GPHN: variants seen among roughly 807,000 people sequenced by gnomAD.
GPHN encodes the protein gephyrin.
Under a neutral mutation model 95.5 loss-of-function variants are expected in GPHN, and 17 were observed. The ratio of observed to expected loss-of-function variants is 0.18; its 90% confidence interval spans 0.12 to 0.27. The LOEUF is 0.27. Ranked by LOEUF, GPHN falls within the 10% of genes least tolerant of loss-of-function variation. The pLI, the probability that GPHN is intolerant of heterozygous loss-of-function variation, is 1.00. For synonymous variants in GPHN, 320 were observed against 322.5 expected, an observed-to-expected ratio of 0.99 and a Z score of 0.08; for missense variants, 660 against 978.1, an observed-to-expected ratio of 0.67 and a Z score of 4.34.
At chr14:67,336,637 CA>C in the GPHN span, 1 of 438,266 alleles carries the variant, frequency 2.3e-6, no homozygotes, top group Non-Finnish European at 4.6e-6. Context: ...CAAATTAAAT[CA>C]AATCATACTT....
chr14:67,646,688 T>C, the GPHN span: 1 of 1,613,880 alleles, frequency 6.2e-7, no homozygotes, highest in Non-Finnish European at 8.5e-7. Flanking sequence ...CTTGTATCTC[T>C]TCTGCAAGTA....
chr14:67,691,513 A>G, the GPHN span: 4 of 327,070 alleles, frequency 1.2e-5, no homozygotes, highest in Non-Finnish European at 2.2e-5. Flanking sequence ...TGCTTTTGGG[A>G]ATTGTTGCAT....
intron 8 of GPHN, among the ~76,000 whole-genome samples, chr14:66,951,448 G>T (rs947830403): frequency 6.6e-6 from 1 of 151,026 alleles, no homozygotes; most frequent in Non-Finnish European, 1.5e-5. Context: ...CCTGGAAGGC[G>T]GAAGTTGCAG....
intron 5 of GPHN, among the ~76,000 whole-genome samples, chr14:66,914,340 T>C (rs745897013): frequency 8.5e-5 from 13 of 152,064 alleles, no homozygotes; most frequent in Non-Finnish European, 5.9e-5. Flanking sequence ...TCTTGGAAAA[T>C]AAAATCCAAC....
intron 4 of GPHN, among the ~76,000 whole-genome samples, chr14:66,851,056 G>C (rs186402028): frequency 6.6e-6 from 1 of 151,938 alleles, no homozygotes; most frequent in Admixed American, 6.6e-5. Context: ...TTCTGCCTGA[G>C]GGACTTACTT....
chr14:67,424,808 G>A, the GPHN span, among the ~76,000 whole-genome samples: 3 of 152,230 alleles, frequency 2.0e-5, no homozygotes, highest in African/African-American at 7.2e-5. Flanking sequence ...GATCAGCACA[G>A]ACATGCCCAC....
At chr14:67,690,260 T>G in the GPHN span, 2 of 1,614,050 alleles carry the variant, frequency 1.2e-6, no homozygotes, top group East Asian at 2.2e-5. Flanking sequence ...TTGGCTAGCT[T>G]GCTGTGACAG....
intron 2 of GPHN, among the ~76,000 whole-genome samples, chr14:66,700,952 T>C (rs896210720): frequency 3.9e-5 from 6 of 152,208 alleles, no homozygotes; most frequent in African/African-American, 1.4e-4. Flanking sequence ...CTCAATTATT[T>C]TTATTTCAGT....
chr14:67,130,167 G>C lies in GPHN; in HGVS notation c.1748+7790G>C, dbSNP rs577874869. Among the ~76,000 whole-genome samples, 77 of 152,104 alleles carry C rather than the reference G, an allele frequency of 5.1e-4. 1 individual carries two copies. Among genetic ancestry groups the C allele is most frequent in the Non-Finnish European group, 7.4e-5 (5 of 67,982 alleles). On this transcript the variant is annotated intron_variant, in intron 17 of 22. Transcript: ENST00000478722. The stretch of plus-strand genomic sequence containing the variant: ...GGCTAATGTGCAGGTTTGTTACATG[G>C]GTATTTTGGGTGATGCTGAGGTTTT...
chr14:67,659,814 C>A, the GPHN span: 1 of 1,614,132 alleles, frequency 6.2e-7, no homozygotes, highest in Non-Finnish European at 8.5e-7. Flanking sequence ...GTGCTTCTCA[C>A]CTCCCGATGG....
chr14:66,612,754 C>T (rs1334376309), intron 1 of GPHN, among the ~76,000 whole-genome samples: 4 of 152,076 alleles, frequency 2.6e-5, no homozygotes, highest in Non-Finnish European at 5.9e-5. Context: ...ACGGCTTTAA[C>T]TTTTCTTCAC....
At chr14:66,670,018 C>T (rs1399898461) in intron 1 of GPHN, among the ~76,000 whole-genome samples, 1 of 152,234 alleles carries the variant, frequency 6.6e-6, no homozygotes, top group South Asian at 2.1e-4. Flanking sequence ...TTTAATAAAA[C>T]CTGAACATTT....
the GPHN span, among the ~76,000 whole-genome samples, chr14:67,629,145 G>A: frequency 2.0e-4 from 31 of 152,174 alleles, no homozygotes; most frequent in Non-Finnish European, 3.2e-4. Flanking sequence ...ACCAGCCTGG[G>A]CAACTTAGCG....
chr14:67,065,769 T>TA (rs1320492853), intron 11 of GPHN, among the ~76,000 whole-genome samples: 80 of 151,712 alleles, frequency 5.3e-4, no homozygotes, highest in African/African-American at 1.9e-3. Flanking sequence ...TTTTTTTTTT[T>TA]TTTTGCTTTC....
chr14:66,525,947 T>C (rs1043098446), intron 1 of GPHN, among the ~76,000 whole-genome samples: 1 of 152,164 alleles, frequency 6.6e-6, no homozygotes. Flanking sequence ...TCTTTTTGCT[T>C]AGGATTGTCT....
intron 10 of GPHN, among the ~76,000 whole-genome samples, chr14:67,049,599 G>A (rs2075208782): frequency 6.6e-6 from 1 of 150,798 alleles, no homozygotes. Context: ...TGCAACCTCC[G>A]CCTCCTGGGT....
At chr14:67,390,773 C>G in the GPHN span, 1 of 1,472,188 alleles carries the variant, frequency 6.8e-7, no homozygotes, top group Non-Finnish European at 9.5e-7. Flanking sequence ...GTTCAAAGCT[C>G]ATTGGTGACA....
At chr14:67,727,382 G>T in the GPHN span, 13 of 591,234 alleles carry the variant, frequency 2.2e-5, no homozygotes, top group Non-Finnish European at 3.3e-5. Context: ...TAGGGGTTAA[G>T]AACCTCAAAA....
the GPHN span, among the ~76,000 whole-genome samples, chr14:67,259,515 G>A: frequency 6.6e-6 from 1 of 152,222 alleles, no homozygotes; most frequent in East Asian, 1.9e-4. Flanking sequence ...AGGAGGCTGA[G>A]GCAGGAGAAT....
Sources: gnomAD v4.1 joint callset for allele counts (sites outside exome capture counted in the v4.1 genomes callset) on GRCh38, gnomAD v4.1.1 for gene constraint, MANE v1.5 for transcripts, NCBI Gene and HGNC (gene_info 2026-07-23, HGNC 2026-07-21) for gene names.